SMYD3: variants seen among roughly 807,000 people sequenced by gnomAD.
SMYD3 encodes SET and MYND domain containing 3.
Under a neutral mutation model 57.7 loss-of-function variants are expected in SMYD3, and 36 were observed. The ratio of observed to expected loss-of-function variants is 0.62; its 90% confidence interval spans 0.48 to 0.82. The LOEUF is 0.82. SMYD3 is among the 40% of genes least tolerant of loss of function. SMYD3 has a pLI of 0.00. For missense variants in SMYD3, 515 were observed against 538.8 expected, an observed-to-expected ratio of 0.96 and a Z score of 0.44; for synonymous variants, 211 against 195.0, an observed-to-expected ratio of 1.08 and a Z score of -0.68.
At chr1:246,178,436 G>T (rs561753143) in intron 5 of SMYD3, among the ~76,000 whole-genome samples, 1 of 152,162 alleles carries the variant, frequency 6.6e-6, no homozygotes, top group East Asian at 1.9e-4. Flanking sequence ...GAGAAATGCC[G>T]TAGACAGAGT....
intron 5 of SMYD3, among the ~76,000 whole-genome samples, chr1:246,257,372 G>A (rs925977143): frequency 1.3e-5 from 2 of 152,138 alleles, no homozygotes; most frequent in African/African-American, 4.8e-5. Flanking sequence ...AAATCCTCTT[G>A]TTGAATTGAA....
chr1:245,956,639 T>G (rs532163880), intron 5 of SMYD3, among the ~76,000 whole-genome samples: 9 of 152,194 alleles, frequency 5.9e-5, no homozygotes, highest in Non-Finnish European at 1.0e-4. Context: ...CTCCCTGTCT[T>G]TGTCTCCCTC....
rs56279385 is a variant in SMYD3 at position 246,390,214 on chromosome 1, CAAAAAAAAAA to C, written c.165-35130_165-35121del. Among the ~76,000 whole-genome samples the C allele has an allele frequency of 9.4e-4, 63 of 67,042 alleles. 1 individual carries two copies. The highest frequency in any genetic ancestry group is 1.2e-3 in the African/African-American group (25 of 20,790). 44.0% of individuals were successfully genotyped at this position (67,042 alleles called of 152,430 possible). A position where few individuals can be genotyped will look rare whatever the true frequency, so the allele number is the denominator to read the frequency against. ...GGGTGACAGAGCAAGATTCTGTCTC[CAAAAAAAAAA>C]AAAAAAAAAAAAAAAAAAGCAAACT... is the stretch of plus-strand genomic sequence containing the variant. On this transcript the variant is annotated intron_variant, in intron 1 of 11. Coordinates refer to ENST00000490107, the MANE Select transcript of SMYD3 (RefSeq NM_001167740.2).
intron 5 of SMYD3, among the ~76,000 whole-genome samples, chr1:246,083,099 C>T (rs2787957): frequency 0.29 from 44,204 of 150,662 alleles, 8,790 homozygotes; most frequent in African/African-American, 0.55. Context: ...CAGCCCGACA[C>T]CCGTAAAGGG....
At chr1:246,476,618 C>T (rs1371896158) in intron 1 of SMYD3, among the ~76,000 whole-genome samples, 2 of 152,204 alleles carry the variant, frequency 1.3e-5, no homozygotes, top group Non-Finnish European at 2.9e-5. Context: ...GCAATTATAT[C>T]TGCAATTCAA....
At chr1:245,791,664 C>T (rs1020545250) in intron 10 of SMYD3, among the ~76,000 whole-genome samples, 2 of 152,108 alleles carry the variant, frequency 1.3e-5, no homozygotes, top group Non-Finnish European at 2.9e-5. Context: ...GTACATCAGT[C>T]GGTATTTGTT....
chr1:246,226,392 T>C (rs1207789418), intron 5 of SMYD3, among the ~76,000 whole-genome samples: 1 of 152,164 alleles, frequency 6.6e-6, no homozygotes, highest in African/African-American at 2.4e-5. Flanking sequence ...GGCCATGTAC[T>C]ACAGATTTAT....
intron 1 of SMYD3, among the ~76,000 whole-genome samples, chr1:246,375,804 A>G (rs559640449): frequency 1.3e-5 from 2 of 152,248 alleles, no homozygotes; most frequent in East Asian, 3.9e-4. Context: ...ATCTCGGCTC[A>G]CTGCAACCTC....
intron 5 of SMYD3, among the ~76,000 whole-genome samples, chr1:245,969,301 C>T (rs919673024): frequency 1.3e-5 from 2 of 152,174 alleles, no homozygotes; most frequent in Non-Finnish European, 2.9e-5. Flanking sequence ...CCATCAGCAA[C>T]AATACAACTG....
intron 8 of SMYD3, among the ~76,000 whole-genome samples, chr1:245,864,968 A>G (rs907655571): frequency 6.6e-6 from 1 of 152,238 alleles, no homozygotes; most frequent in Non-Finnish European, 1.5e-5. Flanking sequence ...GCTACCATGT[A>G]TGAAATGTCT....
intron 5 of SMYD3, among the ~76,000 whole-genome samples, chr1:245,938,279 G>C (rs967692361): frequency 1.3e-5 from 2 of 152,120 alleles, no homozygotes; most frequent in Non-Finnish European, 2.9e-5. Context: ...GGTATTTTGG[G>C]GACTAGTGCG....
intron 5 of SMYD3, among the ~76,000 whole-genome samples, chr1:246,298,159 G>A (rs941874848): frequency 6.6e-6 from 1 of 151,724 alleles, no homozygotes; most frequent in African/African-American, 2.4e-5. Flanking sequence ...CTTGTCAACA[G>A]CTAAAGAGAA....
intron 10 of SMYD3, among the ~76,000 whole-genome samples, chr1:245,852,835 C>T (rs1033241492): frequency 1.3e-5 from 2 of 152,142 alleles, no homozygotes; most frequent in Non-Finnish European, 1.5e-5. Context: ...CAGGTGATCA[C>T]GGCCCCAGTG....
intron 1 of SMYD3, among the ~76,000 whole-genome samples, chr1:246,494,742 T>C (rs1412796075): frequency 1.3e-5 from 2 of 152,226 alleles, no homozygotes; most frequent in African/African-American, 4.8e-5. Context: ...TAAATTTTTA[T>C]ATACTCAAAT....
chr1:246,115,910 G>A (rs1159509515), intron 5 of SMYD3, among the ~76,000 whole-genome samples: 7 of 151,934 alleles, frequency 4.6e-5, no homozygotes, highest in African/African-American at 1.5e-4. Flanking sequence ...AGGCCAAGGC[G>A]GGCAGATCAC....
chr1:245,922,176 G>A (rs1315280220), intron 7 of SMYD3, among the ~76,000 whole-genome samples: 1 of 151,950 alleles, frequency 6.6e-6, no homozygotes, highest in African/African-American at 2.4e-5. Flanking sequence ...ATAAAACCCC[G>A]TTAAAAGTAA....
At chr1:246,001,364 C>T (rs1238578285) in intron 5 of SMYD3, among the ~76,000 whole-genome samples, 4 of 152,298 alleles carry the variant, frequency 2.6e-5, no homozygotes, top group Non-Finnish European at 4.4e-5. Context: ...CCCACAAGCA[C>T]GTCCTCCTCT....
At chr1:245,810,574 G>A (rs2048404901) in intron 10 of SMYD3, among the ~76,000 whole-genome samples, 1 of 152,190 alleles carries the variant, frequency 6.6e-6, no homozygotes, top group Non-Finnish European at 1.5e-5. Flanking sequence ...GCTGGTGGGG[G>A]CAGGGTTTGG....
At chr1:245,932,412 A>G (rs894644603) in intron 5 of SMYD3, among the ~76,000 whole-genome samples, 1 of 152,176 alleles carries the variant, frequency 6.6e-6, no homozygotes, top group Non-Finnish European at 1.5e-5. Flanking sequence ...CTTTAGCAGC[A>G]TTTATCATAC....
Sources: allele counts gnomAD v4.1 joint callset (sites outside exome capture counted in the v4.1 genomes callset), GRCh38; gene constraint gnomAD v4.1.1; transcripts MANE v1.5; gene names NCBI Gene and HGNC (gene_info 2026-07-23, HGNC 2026-07-21).